Variants in CYP7B1 observed in about 807,000 individuals in gnomAD.
CYP7B1 encodes the protein cytochrome P450 family 7 subfamily B member 1.
Under a neutral mutation model 42.7 loss-of-function variants are expected in CYP7B1, and 29 were observed. The ratio of observed to expected loss-of-function variants is 0.68; its 90% confidence interval spans 0.51 to 0.93. The LOEUF is 0.93. Ranked by LOEUF, CYP7B1 falls within the 40% of genes least tolerant of loss-of-function variation. The probability of loss-of-function intolerance (pLI) is 0.00; values close to 1 mark genes in which losing one functional copy is unlikely to be tolerated. For synonymous variants in CYP7B1, 235 were observed against 218.2 expected (o/e 1.08, Z -0.68); for missense variants, 655 against 600.5 (o/e 1.09, Z -0.95).
rs1435701175 is a variant in CYP7B1 at position 64,623,159 on chromosome 8, A to C, written c.259+1244T>G. Among the ~76,000 whole-genome samples the C allele has an allele frequency of 1.3e-5, 2 of 152,218 alleles. 1 individual carries two copies. On this transcript the variant is annotated intron_variant, in intron 2 of 5. Coordinates refer to ENST00000310193, the MANE Select transcript of CYP7B1 (RefSeq NM_004820.5). ...TGATGTATTCCTTCCATCTCTCTAC[A>C]TGTGCCCCCATGCAATGTGACTCTG...
At chr8:64,697,660 C>T (rs1182529478) in intron 1 of CYP7B1, among the ~76,000 whole-genome samples, 1 of 152,178 alleles carries the variant, frequency 6.6e-6, no homozygotes, top group Non-Finnish European at 1.5e-5. Context: ...CCAGGGAGAA[C>T]AGGCTGTTGG....
chr8:64,673,877 G>A (rs1254117526), intron 1 of CYP7B1, among the ~76,000 whole-genome samples: 2 of 152,092 alleles, frequency 1.3e-5, no homozygotes, highest in East Asian at 3.9e-4. Context: ...CAGGTTTAAA[G>A]GATGAGAGAT....
At position 64,724,400 on chromosome 8, in the gene CYP7B1, G is replaced by A. The variant is rs568844485; in HGVS notation, c.122+74066C>T. Reference sequence around the variant, plus strand: ...GGCCTCGCGTGATCCACCCGCCTCAGCCTCCCAAAGTGCTGGGATTACAGG... The same window carrying A: ...GGCCTCGCGTGATCCACCCGCCTCAACCTCCCAAAGTGCTGGGATTACAGG... On this transcript the variant is annotated intron_variant, in intron 1 of 5. Coordinates refer to ENST00000310193, the MANE Select transcript of CYP7B1 (RefSeq NM_004820.5). Among the ~76,000 whole-genome samples the A allele has an allele frequency of 3.9e-5, 6 of 152,242 alleles. 1 individual carries two copies. The South Asian group carries it at 1.2e-3, about 32-fold the overall frequency.
rs1170340708 is a variant in CYP7B1, at chr8:64,596,845, T to C, written c.1318A>G (p.Met440Val). ...TTGCTGGTTCCAGTTCCAAACGGCATTAGGTAACACTTCAGCTTTTTCCCT... is the reference window on the plus strand; with the variant it reads ...TTGCTGGTTCCAGTTCCAAACGGCACTAGGTAACACTTCAGCTTTTTCCCT... ...KRGKKLKCYL[M>V]PFGTGTSKCP... The change falls in exon 6 of 6, where the codon ATG (methionine) becomes GTG (valine). Residue 440 changes from methionine to valine, a missense_variant. Met to Val is a conservative substitution (Grantham distance 21). Coordinates refer to ENST00000310193, the MANE Select transcript of CYP7B1 (RefSeq NM_004820.5). 1 of 1,614,076 alleles carries C rather than the reference T, an allele frequency of 6.2e-7. No homozygotes were observed. Among genetic ancestry groups the C allele is most frequent in the Admixed American group, 1.7e-5 (1 of 60,018 alleles).
intron 1 of CYP7B1, among the ~76,000 whole-genome samples, chr8:64,632,212 A>G (rs1805706810): frequency 6.6e-6 from 1 of 152,178 alleles, no homozygotes; most frequent in Non-Finnish European, 1.5e-5. Flanking sequence ...AAAATTTGGT[A>G]TAAACATACA....
chr8:64,756,176 C>T (rs1026795529), intron 1 of CYP7B1, among the ~76,000 whole-genome samples: 5 of 152,168 alleles, frequency 3.3e-5, no homozygotes, highest in African/African-American at 9.7e-5. Flanking sequence ...ATTTCCCCCC[C>T]TCTAGTCCTT....
chr8:64,797,110 G>C (rs1804716703), intron 1 of CYP7B1, among the ~76,000 whole-genome samples: 1 of 152,170 alleles, frequency 6.6e-6, no homozygotes. Flanking sequence ...AATTTTTCAT[G>C]ATATAGAGAA....
intron 1 of CYP7B1, among the ~76,000 whole-genome samples, chr8:64,767,852 C>T (rs963447164): frequency 6.6e-6 from 1 of 152,118 alleles, no homozygotes; most frequent in Admixed American, 6.5e-5. Flanking sequence ...TAAGATCTAC[C>T]GCAGACCCCT....
At chr8:64,720,690 T>C (rs1285679716) in intron 1 of CYP7B1, among the ~76,000 whole-genome samples, 2 of 152,174 alleles carry the variant, frequency 1.3e-5, no homozygotes, top group African/African-American at 4.8e-5. Flanking sequence ...GTATATACCA[T>C]GTGCATACTT....
intron 1 of CYP7B1, among the ~76,000 whole-genome samples, chr8:64,670,176 G>T (rs1806343739): frequency 6.6e-6 from 1 of 152,136 alleles, no homozygotes; most frequent in South Asian, 2.1e-4. Flanking sequence ...TAACACTTGG[G>T]TTCCACCCAT....
intron 1 of CYP7B1, among the ~76,000 whole-genome samples, chr8:64,643,060 G>T (rs1403285114): frequency 1.3e-5 from 1 of 76,988 alleles, no homozygotes; most frequent in African/African-American, 4.9e-5. Context: ...CAGAATAAAA[G>T]AATCAATAGG....
At chr8:64,605,147 A>G (rs902011338) in intron 4 of CYP7B1, among the ~76,000 whole-genome samples, 4 of 152,158 alleles carry the variant, frequency 2.6e-5, no homozygotes, top group East Asian at 1.9e-4. Context: ...TCTGCTAGAG[A>G]GGAATGTTGT....
rs757503820 is a variant in CYP7B1 at position 64,771,047 on chromosome 8, CTTTTTTT to C, written c.122+27412_122+27418del. ...AATCTCAAGAGTGGGATATCAGCAT[CTTTTTTT>C]TTTTTTTTTTTTTTTTTTTTTTTTT... is the stretch of plus-strand genomic sequence containing the variant. On this transcript the variant is annotated intron_variant, in intron 1 of 5. Coordinates refer to ENST00000310193, the MANE Select transcript of CYP7B1 (RefSeq NM_004820.5). Among the ~76,000 whole-genome samples, 207 of 42,466 alleles carry C rather than the reference CTTTTTTT, an allele frequency of 4.9e-3. 1 individual carries two copies. Among genetic ancestry groups the C allele is most frequent in the African/African-American group, 0.016 (197 of 11,984 alleles). The allele number at this position is 42,466 out of a possible 152,430, so 27.9% of individuals were successfully genotyped here.
chr8:64,725,096 G>A (rs985894714), intron 1 of CYP7B1, among the ~76,000 whole-genome samples: 2 of 152,096 alleles, frequency 1.3e-5, no homozygotes, highest in African/African-American at 4.8e-5. Context: ...CCATCAATCC[G>A]TAACCATTAG....
intron 1 of CYP7B1, among the ~76,000 whole-genome samples, chr8:64,630,523 T>G (rs556837102): frequency 6.6e-6 from 1 of 152,370 alleles, no homozygotes; most frequent in East Asian, 1.9e-4. Context: ...AGCAATTGCA[T>G]ATCTGTGGTT....
intron 4 of CYP7B1, among the ~76,000 whole-genome samples, chr8:64,608,043 C>G (rs1365017436): frequency 1.3e-5 from 2 of 152,192 alleles, no homozygotes; most frequent in African/African-American, 4.8e-5. Context: ...CCTCTATGAT[C>G]TCACAATTCA....
intron 1 of CYP7B1, among the ~76,000 whole-genome samples, chr8:64,686,321 GT>G: frequency 2.3e-5 from 1 of 42,658 alleles, no homozygotes; most frequent in Admixed American, 1.7e-4. Context: ...CGTCCGGGAG[GT>G]GAGGGGCGCC....
chr8:64,790,461 C>G (rs777282717), intron 1 of CYP7B1, among the ~76,000 whole-genome samples: 1 of 152,168 alleles, frequency 6.6e-6, no homozygotes, highest in Non-Finnish European at 1.5e-5. Context: ...AAGTCGAAAG[C>G]TCCTTGCCCC....
downstream of CYP7B1, among the ~76,000 whole-genome samples, chr8:64,589,163 C>T (rs1001808584): frequency 2.6e-5 from 4 of 152,194 alleles, no homozygotes; most frequent in African/African-American, 9.7e-5. Context: ...TATCCCTGCT[C>T]CTCTGTTGGA....
Sources: allele counts gnomAD v4.1 joint callset (sites outside exome capture counted in the v4.1 genomes callset), GRCh38; gene constraint gnomAD v4.1.1; transcripts MANE v1.5; gene names NCBI Gene and HGNC (gene_info 2026-07-23, HGNC 2026-07-21).